The following CRYL1 variants were observed in gnomAD, a reference collection of about 807,000 sequenced individuals.
CRYL1 encodes crystallin lambda 1, also known as lambda-crystallin homolog.
CRYL1 carries 29 observed loss-of-function variants against 36.6 expected under a neutral mutation model. The ratio of observed to expected loss-of-function variants is 0.79; its 90% CI spans 0.59 to 1.08. CRYL1 has a LOEUF of 1.08. Among genes scored for constraint, CRYL1 ranks in the 50% least tolerant of loss-of-function variants. The pLI, the probability that CRYL1 is intolerant of heterozygous loss-of-function variation, is 0.00. For synonymous variants in CRYL1, 152 were observed against 151.5 expected (o/e 1.00, Z -0.02); for missense variants, 411 against 407.9 (o/e 1.01, Z -0.06).
chr13:20,424,247 C>T (rs183259261), intron 5 of CRYL1, among the ~76,000 whole-genome samples: 2 of 152,272 alleles, frequency 1.3e-5, no homozygotes, highest in East Asian at 1.9e-4. Flanking sequence ...GTCCTAGCAA[C>T]GTGGGTGATG....
chr13:20,489,330 C>T lies in CRYL1; in HGVS notation c.276+40G>A, dbSNP rs573938559. ...CTCCGGAGAGGCTGGGAGACAATGT[C>T]TCAGGCCCCACAGATGCGGCGCCAG... On this transcript the variant is annotated intron_variant, in intron 3 of 7. Transcript: ENST00000298248. 1.1e-5 allele frequency: 17 copies of T among 1,609,748 alleles called. No homozygotes were observed. In the East Asian group the frequency reaches 3.1e-4, roughly 30 times the overall value.
chr13:20,500,361 C>T (rs566700879), intron 2 of CRYL1, among the ~76,000 whole-genome samples: 1 of 152,270 alleles, frequency 6.6e-6, no homozygotes, highest in Non-Finnish European at 1.5e-5. Flanking sequence ...TAATTCATGG[C>T]AATGTGTTTG....
At position 20,414,250 on chromosome 13, in the gene CRYL1, A is replaced by T. The variant is rs561552214; in HGVS notation, c.634-863T>A. Among the ~76,000 whole-genome samples, 1,437 of 150,368 alleles carry T rather than the reference A, an allele frequency of 9.6e-3. 15 individuals are homozygous for T. Among genetic ancestry groups the T allele is most frequent in the African/African-American group, 0.034 (1,354 of 40,000 alleles). On this transcript the variant is annotated intron_variant, in intron 5 of 7. Coordinates refer to ENST00000298248, the MANE Select transcript of CRYL1 (RefSeq NM_015974.3). Reference sequence around the variant, plus strand: ...ACACATATGTATACACTAAAAAGAGATTTTTTGTGTGTGTGTGTGTGTGTG... The same window carrying T: ...ACACATATGTATACACTAAAAAGAGTTTTTTTGTGTGTGTGTGTGTGTGTG...
intron 1 of CRYL1, among the ~76,000 whole-genome samples, chr13:20,517,637 A>C (rs1218688332): frequency 3.3e-5 from 5 of 151,524 alleles, no homozygotes; most frequent in East Asian, 2.0e-4. Context: ...GAAGTTTAAA[A>C]TAAAAAACAA....
chr13:20,448,469 C>T (rs1456119150), intron 3 of CRYL1, among the ~76,000 whole-genome samples: 1 of 152,166 alleles, frequency 6.6e-6, no homozygotes, highest in Non-Finnish European at 1.5e-5. Context: ...GCAGAATATA[C>T]ACCTCTCCCT....
chr13:20,483,940 C>T (rs2137464670), intron 3 of CRYL1, among the ~76,000 whole-genome samples: 1 of 152,292 alleles, frequency 6.6e-6, no homozygotes, highest in South Asian at 2.1e-4. Flanking sequence ...CCTCAGCCTC[C>T]CGGGTAGCTG....
intron 3 of CRYL1, among the ~76,000 whole-genome samples, chr13:20,467,151 G>A (rs2032956040): frequency 6.6e-6 from 1 of 150,792 alleles, no homozygotes; most frequent in Admixed American, 6.6e-5. Context: ...GTTTCACCGT[G>A]TTAGCCAGGA....
chr13:20,445,031 C>A (rs767797230), intron 3 of CRYL1, among the ~76,000 whole-genome samples: 11 of 152,060 alleles, frequency 7.2e-5, no homozygotes, highest in Non-Finnish European at 1.3e-4. Context: ...TTATTTTTAA[C>A]AAAGTGCTGG....
intron 3 of CRYL1, among the ~76,000 whole-genome samples, chr13:20,474,073 T>A (rs1477646711): frequency 6.6e-6 from 1 of 152,088 alleles, no homozygotes; most frequent in Non-Finnish European, 1.5e-5. Context: ...AATAAAAACA[T>A]CTGGGCACAA....
chr13:20,416,347 T>C (rs1224027538), intron 5 of CRYL1, among the ~76,000 whole-genome samples: 1 of 152,146 alleles, frequency 6.6e-6, no homozygotes, highest in Admixed American at 6.5e-5. Context: ...GGGGGATATC[T>C]ACCTAAGGCC....
At position 20,425,395 on chromosome 13, in the gene CRYL1, C is replaced by G; in HGVS notation, c.633+6707G>C. On this transcript the variant is annotated intron_variant, in intron 5 of 7. Coordinates refer to ENST00000298248, the MANE Select transcript of CRYL1 (RefSeq NM_015974.3). The surrounding 1 kb of genome is among the most constrained non-coding windows in gnomAD (Gnocchi z 4.4). The stretch of plus-strand genomic sequence containing the variant: ...TAACCGTCAGTGAGCCTGCCTTGCT[C>G]TGTTATAGGGTCTCAGGGCACCTGC... Among the ~76,000 whole-genome samples the G allele has an allele frequency of 6.6e-6, 1 of 152,368 alleles. No individual in the cohort carries two copies. The highest frequency in any genetic ancestry group is 2.1e-4 in the South Asian group (1 of 4,830).
chr13:20,433,148 C>T (rs2032110535), intron 4 of CRYL1, among the ~76,000 whole-genome samples: 1 of 152,162 alleles, frequency 6.6e-6, no homozygotes, highest in Non-Finnish European at 1.5e-5. Context: ...ATCAACACAC[C>T]TCAGCAGCCC....
rs386378385 is a variant in CRYL1, at chr13:20,522,911, C to CTTTTTTTTTTTTTTTTT, written c.41+2826_41+2842dup. ...TTTATCTTCATGATACCCATTTCTA[C>CTTTTTTTTTTTTTTTTT]TTTTTTTTTTTTTTTTTTTTTTTTG... On this transcript the variant is annotated intron_variant, in intron 1 of 7. Coordinates refer to ENST00000298248, the MANE Select transcript of CRYL1 (RefSeq NM_015974.3). Among the ~76,000 whole-genome samples the CTTTTTTTTTTTTTTTTT allele has an allele frequency of 7.2e-5, 6 of 82,958 alleles. 1 individual carries two copies. Among genetic ancestry groups the CTTTTTTTTTTTTTTTTT allele is most frequent in the African/African-American group, 2.3e-4 (5 of 22,160 alleles). The allele number at this position is 82,958 out of a possible 152,430, so 54.4% of individuals were successfully genotyped here.
At chr13:20,411,402 T>C (rs1358129318) in intron 6 of CRYL1, among the ~76,000 whole-genome samples, 1 of 152,236 alleles carries the variant, frequency 6.6e-6, no homozygotes, top group Non-Finnish European at 1.5e-5. Flanking sequence ...CTTCTGTTTC[T>C]ATTTGTTTGA....
In CRYL1 at chr13:20,438,412, C is replaced by T. The variant is rs542612802; in HGVS notation, c.438+1181G>A. Among the ~76,000 whole-genome samples, 9 of 152,290 alleles carry T rather than the reference C, an allele frequency of 5.9e-5. No individual in the cohort carries two copies. In the South Asian group the frequency reaches 6.2e-4, roughly 11 times the overall value. ...CCAGGAAGGACCTTCATGTTACCCT[C>T]CCCAAGCAGCACTTCCACAACCTCA... On this transcript the variant is annotated intron_variant, in intron 4 of 7. Coordinates refer to ENST00000298248, the MANE Select transcript of CRYL1 (RefSeq NM_015974.3).
chr13:20,471,504 C>T (rs1203141373), intron 3 of CRYL1, among the ~76,000 whole-genome samples: 1 of 151,794 alleles, frequency 6.6e-6, no homozygotes, highest in African/African-American at 2.4e-5. Context: ...ACTCGGGAGG[C>T]TGAGGTAGGA....
At chr13:20,515,069 T>A (rs1448388622) in intron 1 of CRYL1, among the ~76,000 whole-genome samples, 1 of 152,232 alleles carries the variant, frequency 6.6e-6, no homozygotes, top group Non-Finnish European at 1.5e-5. Flanking sequence ...AACATTATGC[T>A]AAGTGGAAGA....
chr13:20,494,618 G>C (rs11147744), intron 2 of CRYL1, among the ~76,000 whole-genome samples: 31,565 of 152,196 alleles, frequency 0.21, 3,467 homozygotes, highest in East Asian at 0.3. Flanking sequence ...GGCCAGCTGT[G>C]CGTCTTCAAA....
chr13:20,489,345 T>C, intron 3 of CRYL1, 25 bp downstream of exon 3: 2 of 1,611,704 alleles, frequency 1.2e-6, no homozygotes, highest in Non-Finnish European at 8.5e-7. Context: ...GCCCCACAGA[T>C]GCGGCGCCAG....
Sources: gnomAD v4.1 joint callset for allele counts (sites outside exome capture counted in the v4.1 genomes callset) on GRCh38, gnomAD v4.1.1 for gene constraint, Gnocchi (gnomAD v3.1) non-coding constraint, MANE v1.5 for transcripts, NCBI Gene and HGNC (gene_info 2026-07-23, HGNC 2026-07-21) for gene names.